Variants in SLC9A9 observed in about 807,000 individuals in gnomAD.
The protein encoded by SLC9A9 is sodium/hydrogen exchanger 9.
A neutral mutation model predicts 77.8 loss-of-function variants in SLC9A9; 62 were observed. That is an observed-to-expected ratio of 0.80 (90% CI 0.65 to 0.98). SLC9A9 has a LOEUF of 0.98. SLC9A9 is among the 50% of genes least tolerant of loss of function. SLC9A9 has a pLI of 0.00. For synonymous variants in SLC9A9, 320 were observed against 283.5 expected (o/e 1.13, Z -1.29); for missense variants, 775 against 774.9 (o/e 1.00, Z 0.00).
chr3:143,621,514 T>G (rs1283780224), intron 6 of SLC9A9, among the ~76,000 whole-genome samples: 1 of 152,112 alleles, frequency 6.6e-6, no homozygotes, highest in Non-Finnish European at 1.5e-5. Context: ...GGGTCTGGAG[T>G]GGACCTCCAG....
chr3:143,701,127 T>G (rs1413061809), intron 4 of SLC9A9, among the ~76,000 whole-genome samples: 1 of 152,192 alleles, frequency 6.6e-6, no homozygotes, highest in Admixed American at 6.5e-5. Context: ...CAGATATGGC[T>G]TAGATAATAA....
Position 143,266,490 on chromosome 3 carries a change from C to CA in SLC9A9, c.*211dup, listed in dbSNP as rs978571080. Reference sequence around the variant, plus strand: ...ATCCAGTAATCAGAATGGCTGCTGTCAAAAAACTAAATTCATTTGCATAAT... The same window carrying CA: ...ATCCAGTAATCAGAATGGCTGCTGTCAAAAAAACTAAATTCATTTGCATAAT... On this transcript the variant is annotated 3_prime_UTR_variant, in exon 16 of 16. Coordinates refer to ENST00000316549, the MANE Select transcript of SLC9A9 (RefSeq NM_173653.4). The CA allele has an allele frequency of 9.8e-6, 6 of 609,220 alleles. No individual in the cohort carries two copies. The highest frequency in any genetic ancestry group is 2.9e-5 in the East Asian group (1 of 34,020). 37.7% of individuals were successfully genotyped at this position (609,220 alleles called of 1,614,324 possible).
intron 6 of SLC9A9, among the ~76,000 whole-genome samples, chr3:143,645,901 C>G (rs1237136569): frequency 6.6e-6 from 1 of 151,860 alleles, no homozygotes; most frequent in African/African-American, 2.4e-5. Flanking sequence ...CTTATTTTAT[C>G]TCTAAGAAAA....
intron 14 of SLC9A9, among the ~76,000 whole-genome samples, chr3:143,346,432 G>A (rs2032274972): frequency 6.6e-6 from 1 of 152,022 alleles, no homozygotes; most frequent in Non-Finnish European, 1.5e-5. Context: ...TCATTCTAAA[G>A]TCTTGTTTCT....
At chr3:143,465,288 G>A (rs1331341594) in intron 12 of SLC9A9, among the ~76,000 whole-genome samples, 3 of 152,140 alleles carry the variant, frequency 2.0e-5, no homozygotes, top group Non-Finnish European at 4.4e-5. Context: ...CTATAACCTG[G>A]ATAACTGTCC....
chr3:143,836,784 C>T (rs2108893347), intron 1 of SLC9A9, among the ~76,000 whole-genome samples: 1 of 152,290 alleles, frequency 6.6e-6, no homozygotes, highest in East Asian at 1.9e-4. Context: ...ATGCCACAGA[C>T]ACCTAAGGCA....
chr3:143,381,424 C>CTT (rs1206761274), intron 13 of SLC9A9: 1 of 153,966 alleles, frequency 6.5e-6, no homozygotes, highest in East Asian at 1.9e-4. Context: ...CTGATTGTGA[C>CTT]GCCTCCCCAG....
chr3:143,359,100 C>A (rs2032669946), intron 14 of SLC9A9, among the ~76,000 whole-genome samples: 1 of 152,226 alleles, frequency 6.6e-6, no homozygotes, highest in Admixed American at 6.5e-5. Flanking sequence ...TGCTTTCAGA[C>A]TCACTTAGCA....
intron 6 of SLC9A9, among the ~76,000 whole-genome samples, chr3:143,590,682 C>G (rs186513290): frequency 1.3e-5 from 2 of 152,074 alleles, no homozygotes; most frequent in Non-Finnish European, 2.9e-5. Context: ...AAGGGTACAC[C>G]GAGGTAGATA....
chr3:143,821,070 G>A (rs1024741853), intron 2 of SLC9A9, among the ~76,000 whole-genome samples: 2 of 152,184 alleles, frequency 1.3e-5, no homozygotes, highest in African/African-American at 4.8e-5. Flanking sequence ...AGGCACCCTT[G>A]AGGGGACTGG....
rs577877809 is a variant in SLC9A9, at chr3:143,693,380, A to T, written c.534-73T>A. The T allele has an allele frequency of 4.1e-6, 5 of 1,217,118 alleles. No individual in the cohort carries two copies. The African/African-American group carries it at 7.5e-5, about 18-fold the overall frequency. The allele number at this position is 1,217,118 out of a possible 1,614,324, so 75.4% of individuals were successfully genotyped here. On this transcript the variant is annotated intron_variant, in intron 4 of 15. Transcript: ENST00000316549. ...GTAAACCCATGCTATCATAAGCCAC[A>T]TGCTAATGTTTTTCCTGAATACGTA...
Position 143,288,963 on chromosome 3 carries a change from G to A in SLC9A9, c.1605-19983C>T, listed in dbSNP as rs112817252. Among the ~76,000 whole-genome samples the A allele has an allele frequency of 6.3e-3, 961 of 152,306 alleles. 9 individuals carry two copies. Among genetic ancestry groups the A allele is most frequent in the African/African-American group, 0.022 (900 of 41,580 alleles). On this transcript the variant is annotated intron_variant, in intron 14 of 15. Transcript: ENST00000316549. ...CAGACTGTAAAATGCTCCCTGGTAT[G>A]TCTGGTGCACAGGGAAGCAGTGGCA...
intron 11 of SLC9A9, among the ~76,000 whole-genome samples, chr3:143,480,890 T>A (rs1423087265): frequency 6.6e-6 from 1 of 152,172 alleles, no homozygotes; most frequent in Admixed American, 6.5e-5. Flanking sequence ...AGTGTGATGG[T>A]ATCAAATGGG....
At chr3:143,384,507 T>C (rs2033375309) in intron 12 of SLC9A9, among the ~76,000 whole-genome samples, 1 of 152,112 alleles carries the variant, frequency 6.6e-6, no homozygotes, top group Admixed American at 6.5e-5. Context: ...AGGACAGAAA[T>C]AGAATTTTAT....
chr3:143,634,152 A>T (rs909348750), intron 6 of SLC9A9, among the ~76,000 whole-genome samples: 11 of 147,356 alleles, frequency 7.5e-5, no homozygotes, highest in African/African-American at 2.7e-4. Flanking sequence ...CCTTTCTTTA[A>T]GCTTGAAATT....
At chr3:143,334,488 C>G (rs2031865904) in intron 14 of SLC9A9, among the ~76,000 whole-genome samples, 1 of 152,194 alleles carries the variant, frequency 6.6e-6, no homozygotes, top group Non-Finnish European at 1.5e-5. Context: ...ACTCTGAAGT[C>G]TGATGGATTT....
chr3:143,698,466 C>T (rs1028661009), intron 4 of SLC9A9, among the ~76,000 whole-genome samples: 2 of 152,110 alleles, frequency 1.3e-5, no homozygotes, highest in Admixed American at 1.3e-4. Flanking sequence ...GAAGGCATTG[C>T]ATAAAAGGGG....
intron 12 of SLC9A9, among the ~76,000 whole-genome samples, chr3:143,453,231 T>C (rs902653162): frequency 6.6e-6 from 1 of 152,046 alleles, no homozygotes; most frequent in African/African-American, 2.4e-5. Context: ...CCATTAAAAA[T>C]GACTGAAGGA....
intron 14 of SLC9A9, among the ~76,000 whole-genome samples, chr3:143,289,701 C>T (rs1157466398): frequency 6.6e-6 from 1 of 152,200 alleles, no homozygotes; most frequent in Admixed American, 6.5e-5. Flanking sequence ...CATCCATCTA[C>T]TCCCTTTATC....
Sources: gnomAD v4.1 joint callset for allele counts (sites outside exome capture counted in the v4.1 genomes callset) on GRCh38, gnomAD v4.1.1 for gene constraint, MANE v1.5 for transcripts, NCBI Gene and HGNC (gene_info 2026-07-23, HGNC 2026-07-21) for gene names.